Variants in MB21D2 observed in about 807,000 individuals in gnomAD.
MB21D2 encodes nucleotidyltransferase MB21D2.
In MB21D2, 9 loss-of-function variants were observed where a neutral mutation model predicts 33.3. That is an observed-to-expected ratio of 0.27 (90% CI 0.16 to 0.47). The LOEUF is 0.47. Ranked by LOEUF, MB21D2 falls within the 20% of genes least tolerant of loss-of-function variation. MB21D2 has a pLI of 0.99. For missense variants in MB21D2, 540 were observed against 624.6 expected (o/e 0.86, Z 1.44); for synonymous variants, 241 against 236.3 (o/e 1.02, Z -0.18).
chr3:192,904,837 T>C (rs1450803949), intron 1 of MB21D2, among the ~76,000 whole-genome samples: 1 of 152,200 alleles, frequency 6.6e-6, no homozygotes, highest in African/African-American at 2.4e-5. Flanking sequence ...GAGTCGGCAT[T>C]TACTGAGCCA....
chr3:192,908,973 C>A (rs1039342037), intron 1 of MB21D2, among the ~76,000 whole-genome samples: 1 of 151,706 alleles, frequency 6.6e-6, no homozygotes, highest in African/African-American at 2.4e-5. Context: ...ATACAAAATG[C>A]GGCCGGGCAC....
chr3:192,799,885 T>C lies in MB21D2; in HGVS notation c.212-235A>G, dbSNP rs1711520507. 6.6e-6 allele frequency among the ~76,000 whole-genome samples: 1 copy of C among 152,158 alleles called. No homozygotes were observed. The highest frequency in any genetic ancestry group is 1.9e-4 in the East Asian group (1 of 5,186). ...TTTTCTCTCTCAGTGTGAAAAGCAG[T>C]ATCGTTTTCAATAATAAAACAGGGC... On this transcript the variant is annotated intron_variant, in intron 1 of 1. Coordinates refer to ENST00000392452, the MANE Select transcript of MB21D2 (RefSeq NM_178496.4). The surrounding 1 kb of genome is among the most constrained non-coding windows in gnomAD (Gnocchi z 4.1).
At chr3:192,893,082 T>C (rs373885936) in intron 1 of MB21D2, among the ~76,000 whole-genome samples, 78 of 152,242 alleles carry the variant, frequency 5.1e-4, no homozygotes, top group African/African-American at 1.8e-3. Context: ...GCAGTTACAT[T>C]CAGCCCAGCC....
At chr3:192,853,774 G>A (rs192995235) in intron 1 of MB21D2, among the ~76,000 whole-genome samples, 250 of 152,154 alleles carry the variant, frequency 1.6e-3, no homozygotes, top group African/African-American at 5.5e-3. Context: ...ATCCTGCATC[G>A]AGCAAGTGAG....
intron 1 of MB21D2, among the ~76,000 whole-genome samples, chr3:192,847,752 C>T (rs1712705816): frequency 6.6e-6 from 1 of 152,148 alleles, no homozygotes. Context: ...CATCCTAAAA[C>T]TGTCTGCATA....
chr3:192,915,182 C>T (rs1303657886), intron 1 of MB21D2, among the ~76,000 whole-genome samples: 1 of 152,040 alleles, frequency 6.6e-6, no homozygotes, highest in South Asian at 2.1e-4. Flanking sequence ...CACCCTCCAC[C>T]CCCCCGCCCT....
intron 1 of MB21D2, among the ~76,000 whole-genome samples, chr3:192,886,502 G>A (rs1381612438): frequency 6.6e-6 from 1 of 151,856 alleles, no homozygotes. Flanking sequence ...ATTTCCTTCG[G>A]GCTTTTGAAT....
At chr3:192,908,963 A>G (rs958353299) in intron 1 of MB21D2, among the ~76,000 whole-genome samples, 3 of 152,002 alleles carry the variant, frequency 2.0e-5, no homozygotes, top group African/African-American at 7.2e-5. Context: ...CAGTATTAAA[A>G]TACAAAATGC....
chr3:192,829,700 T>C (rs1351625985), intron 1 of MB21D2, among the ~76,000 whole-genome samples: 1 of 151,888 alleles, frequency 6.6e-6, no homozygotes, highest in Non-Finnish European at 1.5e-5. Context: ...CATTCTTCTG[T>C]TTATGTTTAT....
At chr3:192,836,709 AC>A (rs576889688) in intron 1 of MB21D2, among the ~76,000 whole-genome samples, 4 of 152,162 alleles carry the variant, frequency 2.6e-5, no homozygotes, top group Admixed American at 6.5e-5. Flanking sequence ...TGTTTAAGCT[AC>A]CCTGTCTGTG....
chr3:192,872,227 G>GTAAGGGA (rs1184733911), intron 1 of MB21D2, among the ~76,000 whole-genome samples: 1 of 152,128 alleles, frequency 6.6e-6, no homozygotes, highest in Non-Finnish European at 1.5e-5. Flanking sequence ...GTATCACAAG[G>GTAAGGGA]TAAGGGAGCT....
intron 1 of MB21D2, among the ~76,000 whole-genome samples, chr3:192,865,254 A>AT: frequency 6.6e-6 from 1 of 152,280 alleles, no homozygotes; most frequent in South Asian, 2.1e-4. Context: ...CAACCCAGGG[A>AT]GCTGATCAGC....
intron 1 of MB21D2, among the ~76,000 whole-genome samples, chr3:192,842,817 T>G (rs1712602332): frequency 1.3e-5 from 2 of 152,208 alleles, no homozygotes; most frequent in Admixed American, 6.5e-5. Flanking sequence ...GTCCAATTAC[T>G]CCAAGGTTGT....
intron 1 of MB21D2, among the ~76,000 whole-genome samples, chr3:192,875,560 T>A (rs185354403): frequency 5.7e-4 from 87 of 152,310 alleles, no homozygotes; most frequent in Non-Finnish European, 1.0e-3. Context: ...AATAATAATT[T>A]AAAAAGAAAA....
At chr3:192,848,466 T>C (rs921197679) in intron 1 of MB21D2, among the ~76,000 whole-genome samples, 1 of 152,236 alleles carries the variant, frequency 6.6e-6, no homozygotes, top group African/African-American at 2.4e-5. Flanking sequence ...TAAACTGTAC[T>C]ACTATAGATG....
At chr3:192,865,607 G>T (rs551414108) in intron 1 of MB21D2, among the ~76,000 whole-genome samples, 11 of 152,296 alleles carry the variant, frequency 7.2e-5, no homozygotes, top group African/African-American at 2.6e-4. Flanking sequence ...AAGAGTTAAG[G>T]ATAAAGTGAG....
At chr3:192,836,448 A>G (rs1379631396) in intron 1 of MB21D2, among the ~76,000 whole-genome samples, 2 of 152,238 alleles carry the variant, frequency 1.3e-5, no homozygotes, top group Non-Finnish European at 2.9e-5. Flanking sequence ...TTGGAAATAC[A>G]GCCTTTAAAG....
At chr3:192,892,023 G>A (rs1713862941) in intron 1 of MB21D2, among the ~76,000 whole-genome samples, 1 of 152,078 alleles carries the variant, frequency 6.6e-6, no homozygotes, top group Non-Finnish European at 1.5e-5. Context: ...AAATCATCTT[G>A]TACATTCTCT....
intron 1 of MB21D2, among the ~76,000 whole-genome samples, chr3:192,889,514 G>C (rs1713805714): frequency 6.6e-6 from 1 of 152,042 alleles, no homozygotes; most frequent in Admixed American, 6.5e-5. Flanking sequence ...ATTGTACCTA[G>C]CTCCAGCAGC....
Sources: gnomAD v4.1 joint callset for allele counts (sites outside exome capture counted in the v4.1 genomes callset) on GRCh38, gnomAD v4.1.1 for gene constraint, Gnocchi (gnomAD v3.1) non-coding constraint, MANE v1.5 for transcripts, NCBI Gene and HGNC (gene_info 2026-07-23, HGNC 2026-07-21) for gene names.